GPC6: variants seen among roughly 807,000 people sequenced by gnomAD.
GPC6 encodes glypican-6.
Under a neutral mutation model 55.2 loss-of-function variants are expected in GPC6, and 14 were observed. That is an observed-to-expected ratio of 0.25 (90% confidence interval 0.17 to 0.40). The LOEUF (loss-of-function observed/expected upper bound fraction) is 0.40. Among genes scored for constraint, GPC6 ranks in the 10% least tolerant of loss-of-function variants. The pLI, the probability that GPC6 is intolerant of heterozygous loss-of-function variation, is 1.00. For synonymous variants in GPC6, 278 were observed against 259.6 expected (o/e 1.07, Z -0.68); for missense variants, 641 against 708.5 (o/e 0.90, Z 1.08).
intron 3 of GPC6, among the ~76,000 whole-genome samples, chr13:93,975,029 G>T (rs183340663): frequency 6.6e-6 from 1 of 152,198 alleles, no homozygotes; most frequent in African/African-American, 2.4e-5. Context: ...CCCAAAGTAT[G>T]GTCCCTGGAC....
intron 3 of GPC6, among the ~76,000 whole-genome samples, chr13:93,972,809 C>G (rs1880340743): frequency 6.6e-6 from 1 of 152,306 alleles, no homozygotes; most frequent in Middle Eastern, 3.4e-3. Context: ...GAACCATTCA[C>G]TAGCTAAAGG....
chr13:93,496,122 C>A (rs566996379), intron 1 of GPC6, among the ~76,000 whole-genome samples: 2 of 152,252 alleles, frequency 1.3e-5, no homozygotes, highest in African/African-American at 2.4e-5. Flanking sequence ...CCTCCCCCAG[C>A]CTTGCTGCCT....
chr13:94,082,610 A>G (rs1407876746), intron 4 of GPC6, among the ~76,000 whole-genome samples: 2 of 152,190 alleles, frequency 1.3e-5, no homozygotes, highest in Non-Finnish European at 2.9e-5. Flanking sequence ...CGCAGGGCCC[A>G]GCATTCCAGT....
At chr13:93,497,735 G>C (rs1880359592) in intron 1 of GPC6, among the ~76,000 whole-genome samples, 1 of 152,226 alleles carries the variant, frequency 6.6e-6, no homozygotes, top group Admixed American at 6.5e-5. Context: ...TGTGGACCAA[G>C]TCTCACATAA....
intron 2 of GPC6, among the ~76,000 whole-genome samples, chr13:93,626,482 T>C (rs1371122113): frequency 6.6e-6 from 1 of 152,136 alleles, no homozygotes; most frequent in Non-Finnish European, 1.5e-5. Flanking sequence ...GGATAACCCT[T>C]GTATTAGTCC....
intron 2 of GPC6, among the ~76,000 whole-genome samples, chr13:93,680,690 G>C (rs947226194): frequency 2.0e-5 from 3 of 152,168 alleles, no homozygotes; most frequent in African/African-American, 7.2e-5. Flanking sequence ...GGAAGAGGCT[G>C]CTCTCATTTC....
At chr13:94,366,585 G>T (rs532638156) in intron 6 of GPC6, among the ~76,000 whole-genome samples, 24 of 152,168 alleles carry the variant, frequency 1.6e-4, no homozygotes, top group African/African-American at 5.6e-4. Flanking sequence ...TTTTGAAAGC[G>T]CACTTGAGAT....
At chr13:93,970,178 G>A (rs944200105) in intron 3 of GPC6, among the ~76,000 whole-genome samples, 1 of 152,026 alleles carries the variant, frequency 6.6e-6, no homozygotes, top group African/African-American at 2.4e-5. Context: ...TAAATCTCTA[G>A]GAATGATAAT....
intron 1 of GPC6, among the ~76,000 whole-genome samples, chr13:93,379,591 A>T (rs563156959): frequency 6.6e-6 from 1 of 152,196 alleles, no homozygotes; most frequent in Non-Finnish European, 1.5e-5. Flanking sequence ...AATTTAGAGA[A>T]CCTAGAATTC....
At chr13:93,889,690 A>C (rs1875551290) in intron 3 of GPC6, among the ~76,000 whole-genome samples, 1 of 152,106 alleles carries the variant, frequency 6.6e-6, no homozygotes, top group African/African-American at 2.4e-5. Flanking sequence ...TTGAATTTTC[A>C]GAAGCAGTCA....
chr13:93,985,297 C>T (rs538700839), intron 3 of GPC6, among the ~76,000 whole-genome samples: 4 of 151,914 alleles, frequency 2.6e-5, no homozygotes, highest in Admixed American at 6.6e-5. Context: ...ATTAGCTGGG[C>T]GTAATGGTGC....
chr13:93,874,602 C>T (rs1005855803), intron 3 of GPC6, among the ~76,000 whole-genome samples: 4 of 149,786 alleles, frequency 2.7e-5, no homozygotes, highest in African/African-American at 7.4e-5. Flanking sequence ...ATACCAGATC[C>T]TACCTCATGG....
intron 6 of GPC6, among the ~76,000 whole-genome samples, chr13:94,329,408 G>T (rs907610888): frequency 6.6e-6 from 1 of 152,102 alleles, no homozygotes. Flanking sequence ...TCTGTGCCTC[G>T]CAGTACCGTC....
intron 4 of GPC6, among the ~76,000 whole-genome samples, chr13:94,278,654 G>T (rs757153183): frequency 6.6e-6 from 1 of 152,158 alleles, no homozygotes; most frequent in African/African-American, 2.4e-5. Context: ...AAGGGATGTT[G>T]AATTTTATCA....
chr13:93,577,782 T>G (rs1187616332), intron 2 of GPC6, among the ~76,000 whole-genome samples: 3 of 152,070 alleles, frequency 2.0e-5, no homozygotes. Flanking sequence ...CATCCTTGTC[T>G]TGTTCCAGAA....
chr13:93,862,771 A>C (rs1398107291), intron 3 of GPC6, among the ~76,000 whole-genome samples: 3 of 151,670 alleles, frequency 2.0e-5, no homozygotes, highest in Non-Finnish European at 3.0e-5. Context: ...CTATGTTGCC[A>C]CTGTAGTATA....
chr13:93,942,503 G>A (rs914801690), intron 3 of GPC6, among the ~76,000 whole-genome samples: 3 of 152,124 alleles, frequency 2.0e-5, no homozygotes, highest in African/African-American at 7.2e-5. Flanking sequence ...TGTGTTTTTT[G>A]TAGGGACAGG....
chr13:94,115,958 G>C (rs1886417559), intron 4 of GPC6, among the ~76,000 whole-genome samples: 1 of 151,786 alleles, frequency 6.6e-6, no homozygotes, highest in Non-Finnish European at 1.5e-5. Context: ...CTTAATGAGG[G>C]GCCTGTATTG....
chr13:93,689,308 A>G (rs1198509510), intron 2 of GPC6, among the ~76,000 whole-genome samples: 1 of 152,118 alleles, frequency 6.6e-6, no homozygotes, highest in African/African-American at 2.4e-5. Flanking sequence ...ATGATTTACT[A>G]CTTCTCAGAT....
Sources: gnomAD v4.1 joint callset for allele counts (sites outside exome capture counted in the v4.1 genomes callset) on GRCh38, gnomAD v4.1.1 for gene constraint, MANE v1.5 for transcripts, NCBI Gene and HGNC (gene_info 2026-07-23, HGNC 2026-07-21) for gene names.